Variants in CLEC5A observed in about 807,000 individuals in gnomAD.
CLEC5A encodes the protein C-type lectin domain family 5 member A.
In CLEC5A, 15 loss-of-function variants were observed where a neutral mutation model predicts 24.4. The ratio of observed to expected loss-of-function variants is 0.62; its 90% confidence interval spans 0.41 to 0.95. The LOEUF (loss-of-function observed/expected upper bound fraction) is 0.95, where lower values mean the gene tolerates loss of function less well. Among genes scored for constraint, CLEC5A ranks in the 40% least tolerant of loss-of-function variants. CLEC5A has a pLI of 0.00. For synonymous variants in CLEC5A, 71 were observed against 72.6 expected (o/e 0.98, Z 0.11); for missense variants, 211 against 224.0 (o/e 0.94, Z 0.37).
intron 4 of CLEC5A, among the ~76,000 whole-genome samples, chr7:141,939,674 C>T (rs994855574): frequency 6.6e-6 from 1 of 152,002 alleles, no homozygotes; most frequent in African/African-American, 2.4e-5. Flanking sequence ...ACCTAATGAT[C>T]TATTTCCCAC....
chr7:141,944,182 C>CT (rs1443955217), intron 3 of CLEC5A, among the ~76,000 whole-genome samples: 2 of 152,148 alleles, frequency 1.3e-5, no homozygotes, highest in East Asian at 3.9e-4. Flanking sequence ...TTCATGTCTC[C>CT]TTTTTTTGAT....
At chr7:141,942,393 G>A (rs1287364295) in intron 4 of CLEC5A, among the ~76,000 whole-genome samples, 4 of 152,054 alleles carry the variant, frequency 2.6e-5, no homozygotes, top group Non-Finnish European at 4.4e-5. Flanking sequence ...AATGAAAGGA[G>A]ACCCTTATCT....
At chr7:141,939,034 G>A (rs1157620474) in intron 4 of CLEC5A, among the ~76,000 whole-genome samples, 1 of 152,140 alleles carries the variant, frequency 6.6e-6, no homozygotes, top group African/African-American at 2.4e-5. Flanking sequence ...TCTTTAATCT[G>A]AAAGTAAAGG....
rs577828593 is a variant in CLEC5A, at chr7:141,942,042, A to G, written c.208+1854T>C. Among the ~76,000 whole-genome samples the G allele has an allele frequency of 1.4e-4, 21 of 152,190 alleles. No individual in the cohort carries two copies. In the Middle Eastern group the frequency reaches 0.01, roughly 74 times the overall value. ...AGATTTAATGCAATCTTTGTCAATA[A>G]CCCAATGACATTATTCACAGAAACA... On this transcript the variant is annotated intron_variant, in intron 4 of 6. Coordinates refer to ENST00000546910, the MANE Select transcript of CLEC5A (RefSeq NM_013252.3).
rs1408533483 is a variant in CLEC5A at position 141,927,832 on chromosome 7, T to C, written c.*2272A>G. 1.3e-5 allele frequency: 2 copies of C among 152,238 alleles called. No homozygotes were observed. The highest frequency in any genetic ancestry group is 2.9e-5 in the Non-Finnish European group (2 of 68,048). The allele number at this position is 152,238 out of a possible 1,614,324, so 9.4% of individuals were successfully genotyped here. On this transcript the variant is annotated 3_prime_UTR_variant, in exon 7 of 7. Coordinates refer to ENST00000546910, the MANE Select transcript of CLEC5A (RefSeq NM_013252.3). ...AAAAGCTACTTCTTGGATGAAGATC[T>C]CAACTTCAAATCCTCCACAAAATGC...
At chr7:141,942,087 G>T (rs1554441696) in intron 4 of CLEC5A, among the ~76,000 whole-genome samples, 1 of 151,842 alleles carries the variant, frequency 6.6e-6, no homozygotes, top group Non-Finnish European at 1.5e-5. Flanking sequence ...ATCGTAAAAT[G>T]TACATGGAAC....
chr7:141,941,588 A>T (rs1802798535), intron 4 of CLEC5A, among the ~76,000 whole-genome samples: 1 of 152,108 alleles, frequency 6.6e-6, no homozygotes, highest in African/African-American at 2.4e-5. Flanking sequence ...GAGCAGTCAG[A>T]CAAGAGAAAG....
intron 5 of CLEC5A, among the ~76,000 whole-genome samples, chr7:141,935,298 A>G (rs192859815): frequency 1.3e-5 from 2 of 152,276 alleles, no homozygotes; most frequent in East Asian, 3.9e-4. Context: ...GTTGCCATTT[A>G]TAAAATGTGG....
intron 6 of CLEC5A, among the ~76,000 whole-genome samples, chr7:141,931,111 A>G (rs1355222667): frequency 6.6e-6 from 1 of 152,190 alleles, no homozygotes; most frequent in Non-Finnish European, 1.5e-5. Flanking sequence ...TCATAGCTTT[A>G]AGACATAGAC....
Position 141,946,236 on chromosome 7 carries a change from TC to T in CLEC5A, c.56del (p.Gly19GlufsTer2). 6.4e-7 allele frequency: 1 copy of T among 1,569,366 alleles called. No individual in the cohort carries two copies. Reference protein sequence around the residue: ...GLIVVVLKVVGMTLFLLYFPQ... With the variant: ...GLIVVVLKVVXMTLFLLYFPQ... ...CACAATAAAGTAGAAATAAGGTCAT[TC>T]CAACAACTTTAAGCACTACCACAAT... On this transcript the variant is annotated frameshift_variant, in exon 2 of 7. Coordinates refer to ENST00000546910, the MANE Select transcript of CLEC5A (RefSeq NM_013252.3). LOFTEE classifies it high-confidence loss of function.
At chr7:141,935,350 G>A (rs1290561740) in intron 5 of CLEC5A, among the ~76,000 whole-genome samples, 1 of 152,084 alleles carries the variant, frequency 6.6e-6, no homozygotes, top group Non-Finnish European at 1.5e-5. Context: ...ATCATCAACT[G>A]CAAATTCAGT....
intron 4 of CLEC5A, among the ~76,000 whole-genome samples, chr7:141,936,514 GCTA>G (rs1802633176): frequency 6.6e-6 from 1 of 152,182 alleles, no homozygotes; most frequent in African/African-American, 2.4e-5. Context: ...TTAGATGAGC[GCTA>G]GCCGGAGGGG....
chr7:141,928,985 C>T lies in CLEC5A; in HGVS notation c.*1119G>A, dbSNP rs975793751. 7.2e-5 allele frequency: 11 copies of T among 152,214 alleles called. No homozygotes were observed. The highest frequency in any genetic ancestry group is 6.5e-4 in the Admixed American group (10 of 15,274). 9.4% of individuals were successfully genotyped at this position (152,214 alleles called of 1,614,324 possible). On this transcript the variant is annotated 3_prime_UTR_variant, in exon 7 of 7. Coordinates refer to ENST00000546910, the MANE Select transcript of CLEC5A (RefSeq NM_013252.3). ...AGGGTACTCCAAGACTTGTCTTCCT[C>T]TTTCTTGCCTTTCTTCCAGTGTGGC...
chr7:141,933,053 G>T (rs1208974025), intron 5 of CLEC5A, among the ~76,000 whole-genome samples: 3 of 152,150 alleles, frequency 2.0e-5, no homozygotes, highest in African/African-American at 7.2e-5. Context: ...GGGGTACATA[G>T]ATTTTATCAC....
rs78435868 is a variant in CLEC5A at position 141,940,366 on chromosome 7, T to C, written c.208+3530A>G. The stretch of plus-strand genomic sequence containing the variant: ...GTCAATAAAGAAATTAAGAAAGGAA[T>C]TGAAAAACTTCTTTTAACAAATGAT... On this transcript the variant is annotated intron_variant, in intron 4 of 6. Coordinates refer to ENST00000546910, the MANE Select transcript of CLEC5A (RefSeq NM_013252.3). Among the ~76,000 whole-genome samples the C allele has an allele frequency of 3.4e-3, 521 of 151,976 alleles. 3 individuals are homozygous for C. The highest frequency in any genetic ancestry group is 0.01 in the African/African-American group (435 of 41,508).
chr7:141,930,959 G>T (rs544597481), intron 6 of CLEC5A, among the ~76,000 whole-genome samples: 2 of 152,266 alleles, frequency 1.3e-5, no homozygotes, highest in African/African-American at 2.4e-5. Context: ...CTGTAGGGAA[G>T]CCCAGTTACA....
chr7:141,930,358 C>G, intron 6 of CLEC5A, 140 bp from the exon 7 acceptor site: 1 of 634,796 alleles, frequency 1.6e-6, no homozygotes, highest in Non-Finnish European at 2.8e-6. Flanking sequence ...AGCAGACTAC[C>G]GGGCCCACAC....
intron 5 of CLEC5A, among the ~76,000 whole-genome samples, chr7:141,932,871 TA>T (rs1164338570): frequency 6.6e-6 from 1 of 152,224 alleles, no homozygotes; most frequent in Non-Finnish European, 1.5e-5. Flanking sequence ...CTGAAAAGCT[TA>T]AAATGTATGT....
intron 6 of CLEC5A, among the ~76,000 whole-genome samples, chr7:141,931,098 A>C (rs782049889): frequency 1.3e-5 from 2 of 152,184 alleles, no homozygotes; most frequent in Non-Finnish European, 2.9e-5. Flanking sequence ...GGGGGTCAGA[A>C]GTTCATAGCT....
Sources: gnomAD v4.1 joint callset for allele counts (sites outside exome capture counted in the v4.1 genomes callset) on GRCh38, gnomAD v4.1.1 for gene constraint, MANE v1.5 for transcripts, NCBI Gene and HGNC (gene_info 2026-07-23, HGNC 2026-07-21) for gene names.